The following ENTREP1 variants were observed in gnomAD, a reference collection of about 807,000 sequenced individuals.
ENTREP1 encodes endosomal transmembrane epsin interactor 1, also known as Friedreich ataxia region gene X123.
At chr9:69,355,611 CTAATGG>C in the ENTREP1 span, among the ~76,000 whole-genome samples, 1 of 152,150 alleles carries the variant, frequency 6.6e-6, no homozygotes, top group South Asian at 2.1e-4. Context: ...ACCCCAAAAC[CTAATGG>C]TTTCAAACCA....
the ENTREP1 span, chr9:69,387,894 T>C: frequency 1.4e-6 from 2 of 1,401,624 alleles, no homozygotes; most frequent in Admixed American, 2.2e-5. Context: ...TGGATTCTCC[T>C]CTCCACCATC....
the ENTREP1 span, among the ~76,000 whole-genome samples, chr9:69,364,550 A>G: frequency 6.6e-6 from 1 of 152,226 alleles, no homozygotes; most frequent in Middle Eastern, 3.4e-3. Flanking sequence ...GAAGCTTGAG[A>G]TACAAATTTG....
At chr9:69,391,648 C>G in the ENTREP1 span, 1 of 1,614,182 alleles carries the variant, frequency 6.2e-7, no homozygotes, top group Non-Finnish European at 8.5e-7. Context: ...ACAAGCTGCC[C>G]TCGCGGAGAC....
chr9:69,375,999 C>A, the ENTREP1 span: 7 of 852,550 alleles, frequency 8.2e-6, no homozygotes, highest in Admixed American at 8.5e-5. Flanking sequence ...TGAGTGACCC[C>A]AGAGACAGAA....
the ENTREP1 span, chr9:69,383,537 C>CACAGTTTAGAGCAAAGCCAGT: frequency 6.4e-7 from 1 of 1,565,336 alleles, no homozygotes; most frequent in Non-Finnish European, 8.7e-7. Context: ...TGGTTTTCCC[C>CACAGTTTAGAGCAAAGCCAGT]ACAGTTTAGA....
the ENTREP1 span, among the ~76,000 whole-genome samples, chr9:69,357,663 T>A: frequency 2.0e-5 from 3 of 152,074 alleles, no homozygotes; most frequent in Non-Finnish European, 4.4e-5. Context: ...GCAAACCAAG[T>A]CAGTGCATGT....
At chr9:69,354,140 AT>A in the ENTREP1 span, among the ~76,000 whole-genome samples, 12 of 150,050 alleles carry the variant, frequency 8.0e-5, no homozygotes, top group African/African-American at 1.5e-4. Context: ...TGTCTTACGT[AT>A]TTTTTTTATA....
At chr9:69,339,766 C>T in the ENTREP1 span, among the ~76,000 whole-genome samples, 115 of 152,292 alleles carry the variant, frequency 7.6e-4, no homozygotes, top group African/African-American at 2.5e-3. Context: ...GGGACTTTCA[C>T]CCCCTAGCTG....
the ENTREP1 span, among the ~76,000 whole-genome samples, chr9:69,363,002 A>G: frequency 6.6e-6 from 1 of 152,100 alleles, no homozygotes; most frequent in African/African-American, 2.4e-5. Flanking sequence ...AATCTATCCT[A>G]TTAGTTCTGC....
chr9:69,390,085 G>A, the ENTREP1 span, among the ~76,000 whole-genome samples: 1 of 152,228 alleles, frequency 6.6e-6, no homozygotes, highest in African/African-American at 2.4e-5. Context: ...GATTTTCACT[G>A]ATATCAAAAC....
At chr9:69,386,087 G>A in the ENTREP1 span, 1 of 630,214 alleles carries the variant, frequency 1.6e-6, no homozygotes, top group Non-Finnish European at 2.4e-6. Flanking sequence ...TCTTGGGAAA[G>A]TAAAATATTC....
At chr9:69,370,493 T>G in the ENTREP1 span, among the ~76,000 whole-genome samples, 2 of 152,160 alleles carry the variant, frequency 1.3e-5, no homozygotes, top group Non-Finnish European at 2.9e-5. Flanking sequence ...CAGCTTCCAT[T>G]AGTATTTTCC....
At chr9:69,347,112 A>C in the ENTREP1 span, among the ~76,000 whole-genome samples, 1 of 152,226 alleles carries the variant, frequency 6.6e-6, no homozygotes, top group Non-Finnish European at 1.5e-5. Flanking sequence ...CAACATGAAT[A>C]TACTTCTAGC....
the ENTREP1 span, among the ~76,000 whole-genome samples, chr9:69,332,576 C>T: frequency 1.3e-5 from 2 of 152,118 alleles, no homozygotes; most frequent in African/African-American, 4.8e-5. Flanking sequence ...TCTCATTTGT[C>T]ATGTATTTGT....
chr9:69,347,454 A>T, the ENTREP1 span, among the ~76,000 whole-genome samples: 1 of 152,160 alleles, frequency 6.6e-6, no homozygotes, highest in Non-Finnish European at 1.5e-5. Flanking sequence ...GGAGCAGTAG[A>T]CCCACACGAA....
the ENTREP1 span, among the ~76,000 whole-genome samples, chr9:69,356,253 G>A: frequency 6.6e-6 from 1 of 152,174 alleles, no homozygotes; most frequent in Non-Finnish European, 1.5e-5. Flanking sequence ...TTTTGTGTCT[G>A]GCTTATTTCA....
the ENTREP1 span, chr9:69,376,009 A>G: frequency 2.6e-6 from 2 of 768,780 alleles, no homozygotes; most frequent in Non-Finnish European, 4.0e-6. Context: ...CAGAGACAGA[A>G]TTGAATGCAG....
chr9:69,329,452 A>G, the ENTREP1 span: 11 of 983,884 alleles, frequency 1.1e-5, no homozygotes, highest in Non-Finnish European at 1.3e-5. Context: ...CTTTGAAGGT[A>G]TATTTTATCT....
the ENTREP1 span, among the ~76,000 whole-genome samples, chr9:69,367,694 CATATATATAAATAT>C: frequency 1.1e-5 from 1 of 94,206 alleles, no homozygotes. Flanking sequence ...TATATATACA[CATATATATAAATAT>C]ATATATACAC....
Sources: allele counts gnomAD v4.1 joint callset (sites outside exome capture counted in the v4.1 genomes callset), GRCh38; gene constraint gnomAD v4.1.1; transcripts MANE v1.5; gene names NCBI Gene and HGNC (gene_info 2026-07-23, HGNC 2026-07-21).